The following ANK3 variants were observed in gnomAD, a reference collection of about 807,000 sequenced individuals.
ANK3 encodes ankyrin 3.
ANK3 carries 57 observed loss-of-function variants against 370.9 expected under a neutral mutation model. The observed-to-expected ratio is 0.15, with a 90% confidence interval of 0.12 to 0.19. The LOEUF is 0.19. Among genes scored for constraint, ANK3 ranks in the 10% least tolerant of loss-of-function variants. ANK3 has a pLI of 1.00. For synonymous variants in ANK3, 1,929 were observed against 1,946.3 expected (o/e 0.99, Z 0.23); for missense variants, 4,439 against 5,302.1 (o/e 0.84, Z 5.06).
chr10:60,045,822 A>C (rs1177497595), intron 42 of ANK3, among the ~76,000 whole-genome samples: 2 of 152,198 alleles, frequency 1.3e-5, no homozygotes, highest in African/African-American at 4.8e-5. Context: ...ATGTCATGTG[A>C]CCATATGTCA....
intron 1 of ANK3, among the ~76,000 whole-genome samples, chr10:60,705,827 T>TC (rs1245141416): frequency 0.034 from 4,614 of 134,330 alleles, 81 homozygotes; most frequent in South Asian, 0.071. Flanking sequence ...TTTCTTTCTT[T>TC]TTTTTTTTTT....
At chr10:60,697,050 CAA>C (rs2079467718) in intron 1 of ANK3, among the ~76,000 whole-genome samples, 1 of 149,222 alleles carries the variant, frequency 6.7e-6, no homozygotes, top group African/African-American at 2.5e-5. Context: ...GCAACTTCAG[CAA>C]AGTCTCAGGA....
intron 2 of ANK3, among the ~76,000 whole-genome samples, chr10:60,575,748 T>C (rs975561771): frequency 1.3e-5 from 2 of 152,160 alleles, no homozygotes; most frequent in African/African-American, 4.8e-5. Context: ...TTTCTAACAA[T>C]GTAAAAACAT....
At chr10:60,283,252 T>C (rs917354361) in intron 1 of ANK3, among the ~76,000 whole-genome samples, 1 of 152,208 alleles carries the variant, frequency 6.6e-6, no homozygotes, top group Non-Finnish European at 1.5e-5. Flanking sequence ...TATTTTGTCC[T>C]AGACTCAGTA....
chr10:60,111,669 T>A, intron 26 of ANK3: 1 of 447,724 alleles, frequency 2.2e-6, no homozygotes, highest in Non-Finnish European at 4.5e-6. Context: ...GATCTAACTA[T>A]GGCAAAAATT....
chr10:60,238,186 TA>T (rs2097364113), intron 7 of ANK3, among the ~76,000 whole-genome samples: 1 of 152,090 alleles, frequency 6.6e-6, no homozygotes, highest in African/African-American at 2.4e-5. Context: ...AGCTAACCAA[TA>T]AAAATGTATC....
intron 1 of ANK3, among the ~76,000 whole-genome samples, chr10:60,359,032 G>C (rs1309213171): frequency 6.6e-6 from 1 of 151,988 alleles, no homozygotes; most frequent in Non-Finnish European, 1.5e-5. Flanking sequence ...TTGGCTTATT[G>C]TTCACATGTT....
At chr10:60,620,662 G>A (rs1294567158) in intron 1 of ANK3, among the ~76,000 whole-genome samples, 3 of 152,168 alleles carry the variant, frequency 2.0e-5, no homozygotes, top group Non-Finnish European at 4.4e-5. Flanking sequence ...TAGAATCAAA[G>A]TGTGACATCT....
At chr10:60,137,584 A>G (rs921411892) in intron 24 of ANK3, among the ~76,000 whole-genome samples, 4 of 152,084 alleles carry the variant, frequency 2.6e-5, no homozygotes, top group African/African-American at 4.8e-5. Context: ...TGAGCATAAC[A>G]TGAGTCATCA....
intron 2 of ANK3, among the ~76,000 whole-genome samples, chr10:60,490,922 T>C (rs2133119997): frequency 6.6e-6 from 1 of 152,318 alleles, no homozygotes; most frequent in South Asian, 2.1e-4. Flanking sequence ...TTCTTCCCTG[T>C]CCCTTTCCAG....
chr10:60,556,429 C>T (rs1449148741), intron 2 of ANK3, among the ~76,000 whole-genome samples: 2 of 152,060 alleles, frequency 1.3e-5, no homozygotes, highest in African/African-American at 4.8e-5. Flanking sequence ...GTTTATACTT[C>T]AATTACAAAG....
At chr10:60,390,323 C>T (rs898474355), upstream of ANK3, among the ~76,000 whole-genome samples, 1 of 152,080 alleles carries the variant, frequency 6.6e-6, no homozygotes, top group Non-Finnish European at 1.5e-5. Context: ...TACAGAAAGA[C>T]GTGAGCATAT....
intron 1 of ANK3, among the ~76,000 whole-genome samples, chr10:60,361,556 C>G (rs903085359): frequency 1.3e-5 from 2 of 152,108 alleles, no homozygotes; most frequent in Non-Finnish European, 2.9e-5. Context: ...ATGTATTATT[C>G]CACTTGTATT....
At chr10:60,083,726 C>T in intron 32 of ANK3, 109 bp from the exon 33 acceptor site, 1 of 895,308 alleles carries the variant, frequency 1.1e-6, no homozygotes, top group Non-Finnish European at 1.7e-6. Context: ...TTACACGTGT[C>T]TCTATTAGGC....
chr10:60,100,669 G>A lies in ANK3; in HGVS notation c.3328+5236C>T, dbSNP rs1261653950. On this transcript the variant is annotated intron_variant, in intron 28 of 43. Transcript: ENST00000280772. ...AAGTTCAGCAATGACAAGAAAATAT[G>A]TTCCTAGCATTGTAAAATTGTTTGG... Among the ~76,000 whole-genome samples, 7 of 152,264 alleles carry A rather than the reference G, an allele frequency of 4.6e-5. No individual in the cohort carries two copies. The East Asian group carries it at 1.2e-3, about 25-fold the overall frequency.
intron 1 of ANK3, among the ~76,000 whole-genome samples, chr10:60,297,269 A>G (rs1456339426): frequency 6.6e-6 from 1 of 152,174 alleles, no homozygotes; most frequent in Non-Finnish European, 1.5e-5. Context: ...AATGGCATTC[A>G]CTACCCAACA....
At chr10:60,067,185 T>A (rs1422323960) in intron 38 of ANK3, among the ~76,000 whole-genome samples, 1 of 152,220 alleles carries the variant, frequency 6.6e-6, no homozygotes, top group Non-Finnish European at 1.5e-5. Context: ...AGTACTGGGA[T>A]TACAGGCATG....
At chr10:60,176,630 G>T (rs1055082613) in intron 18 of ANK3, among the ~76,000 whole-genome samples, 5 of 152,094 alleles carry the variant, frequency 3.3e-5, no homozygotes, top group Non-Finnish European at 7.4e-5. Flanking sequence ...AGGCGTGGCG[G>T]TGCCTGTAAT....
At chr10:60,461,711 C>G (rs979579444) in intron 2 of ANK3, among the ~76,000 whole-genome samples, 1 of 152,182 alleles carries the variant, frequency 6.6e-6, no homozygotes, top group East Asian at 1.9e-4. Context: ...GGCTTAGTAT[C>G]AGGAAAAGTG....
Sources: allele counts gnomAD v4.1 joint callset (sites outside exome capture counted in the v4.1 genomes callset), GRCh38; gene constraint gnomAD v4.1.1; transcripts MANE v1.5; gene names NCBI Gene and HGNC (gene_info 2026-07-23, HGNC 2026-07-21).